Variants in TSHZ2 observed in about 807,000 individuals in gnomAD.
TSHZ2 encodes teashirt zinc finger homeobox 2.
TSHZ2 carries 21 observed loss-of-function variants against 74.4 expected under a neutral mutation model. That is an observed-to-expected ratio of 0.28 (90% CI 0.20 to 0.41). The LOEUF is 0.41. Among genes scored for constraint, TSHZ2 ranks in the 10% least tolerant of loss-of-function variants. TSHZ2 has a pLI of 1.00. For missense variants in TSHZ2, 1,244 were observed against 1,293.5 expected (o/e 0.96, Z 0.59); for synonymous variants, 540 against 515.3 (o/e 1.05, Z -0.65).
chr20:53,149,327 T>C (rs961027093), intron 1 of TSHZ2, among the ~76,000 whole-genome samples: 7 of 152,156 alleles, frequency 4.6e-5, no homozygotes, highest in Non-Finnish European at 8.8e-5. Flanking sequence ...ATTGAAATTT[T>C]TTTTCTGGAA....
intron 1 of TSHZ2, among the ~76,000 whole-genome samples, chr20:53,036,014 C>CATTT (rs937690262): frequency 6.6e-6 from 1 of 152,128 alleles, no homozygotes; most frequent in African/African-American, 2.4e-5. Flanking sequence ...TTAGGAAAGA[C>CATTT]ATTTCACAAA....
chr20:53,274,843 A>G (rs1990910206), intron 2 of TSHZ2, among the ~76,000 whole-genome samples: 1 of 151,788 alleles, frequency 6.6e-6, no homozygotes, highest in South Asian at 2.1e-4. Context: ...TTCCCTAGAG[A>G]TGGGCACGTT....
intron 2 of TSHZ2, among the ~76,000 whole-genome samples, chr20:53,352,448 C>T (rs1980684717): frequency 6.6e-6 from 1 of 151,886 alleles, no homozygotes; most frequent in African/African-American, 2.4e-5. Flanking sequence ...TTCCCATATG[C>T]ACTTCATCAA....
At chr20:53,421,518 C>G (rs1368545470) in intron 2 of TSHZ2, 6 of 232,408 alleles carry the variant, frequency 2.6e-5, no homozygotes, top group Admixed American at 2.0e-4. Flanking sequence ...CTGCCAAAAT[C>G]GAGTGGCTGG....
At chr20:53,133,138 T>C (rs1987151838) in intron 1 of TSHZ2, among the ~76,000 whole-genome samples, 1 of 152,220 alleles carries the variant, frequency 6.6e-6, no homozygotes, top group Non-Finnish European at 1.5e-5. Flanking sequence ...AGGTGGCCAC[T>C]CTTTGACACG....
At chr20:53,272,575 G>A (rs1199125995) in intron 2 of TSHZ2, among the ~76,000 whole-genome samples, 2 of 152,184 alleles carry the variant, frequency 1.3e-5, no homozygotes, top group African/African-American at 2.4e-5. Context: ...TCATCCGTGA[G>A]GCAGATCAAA....
At chr20:53,031,663 G>T (rs1156654650) in intron 1 of TSHZ2, among the ~76,000 whole-genome samples, 1 of 152,044 alleles carries the variant, frequency 6.6e-6, no homozygotes, top group Non-Finnish European at 1.5e-5. Context: ...GTAGTGGGAG[G>T]GTATGATCCT....
intron 1 of TSHZ2, among the ~76,000 whole-genome samples, chr20:53,049,744 A>C (rs981530526): frequency 6.6e-6 from 1 of 152,034 alleles, no homozygotes; most frequent in Non-Finnish European, 1.5e-5. Flanking sequence ...AATGAAGCAC[A>C]CAGCACAGTG....
intron 2 of TSHZ2, among the ~76,000 whole-genome samples, chr20:53,448,938 A>T (rs572063602): frequency 6.6e-6 from 1 of 152,340 alleles, no homozygotes; most frequent in East Asian, 1.9e-4. Flanking sequence ...TACAAAGAAC[A>T]TCTTGAGTAA....
intron 1 of TSHZ2, among the ~76,000 whole-genome samples, chr20:53,238,995 G>A (rs942562272): frequency 6.6e-6 from 1 of 152,154 alleles, no homozygotes; most frequent in Admixed American, 6.6e-5. Flanking sequence ...GAAATGGATG[G>A]TGGTTAGACG....
At chr20:53,276,569 A>G (rs1245147177) in intron 2 of TSHZ2, among the ~76,000 whole-genome samples, 3 of 152,220 alleles carry the variant, frequency 2.0e-5, no homozygotes, top group Non-Finnish European at 4.4e-5. Flanking sequence ...TAAGATGGGG[A>G]TAACTGTTCT....
In TSHZ2 at chr20:53,253,533, G is replaced by A; in HGVS notation, c.75G>A (p.Glu25=). 4.3e-6 allele frequency: 7 copies of A among 1,612,832 alleles called. No homozygotes were observed. The highest frequency in any genetic ancestry group is 1.1e-5 in the South Asian group (1 of 90,954). Residue 25 remains glutamate (E), a synonymous_variant, in exon 2 of 3, where the codon GAG becomes GAA. Transcript: ENST00000371497. ...AGGAGGAACAGCTGAAAGAAGAGGAGGAAATAAAAGAAGAGGAGGAGGAGG... is the reference window on the plus strand; with the variant it reads ...AGGAGGAACAGCTGAAAGAAGAGGAAGAAATAAAAGAAGAGGAGGAGGAGG... ...YAQEEQLKEE[E]EIKEEEEEED... is the part of the protein sequence containing the mutation.
At chr20:52,982,215 C>A (rs1345202882) in intron 1 of TSHZ2, among the ~76,000 whole-genome samples, 1 of 152,184 alleles carries the variant, frequency 6.6e-6, no homozygotes, top group Non-Finnish European at 1.5e-5. Context: ...TGCAGGATAA[C>A]TCATTCAAGT....
chr20:53,484,259 C>T (rs566125065), intron 2 of TSHZ2, among the ~76,000 whole-genome samples: 2 of 152,196 alleles, frequency 1.3e-5, no homozygotes, highest in East Asian at 3.9e-4. Context: ...CACCTGTAAT[C>T]TAGGTAGGGT....
In TSHZ2 at chr20:53,246,577, C is replaced by T. The variant is rs188698130; in HGVS notation, c.41-6922C>T. Among the ~76,000 whole-genome samples the T allele has an allele frequency of 3.3e-5, 5 of 152,304 alleles. No homozygotes were observed. The East Asian group carries it at 7.7e-4, about 24-fold the overall frequency. On this transcript the variant is annotated intron_variant, in intron 1 of 2. Coordinates refer to ENST00000371497, the MANE Select transcript of TSHZ2 (RefSeq NM_173485.6). ...CAGCATCCAACTTCTCTCCATAACTCACCTCTCTACTTGCCTTGGCCTTGG... is the reference window on the plus strand; with the variant it reads ...CAGCATCCAACTTCTCTCCATAACTTACCTCTCTACTTGCCTTGGCCTTGG...
intron 2 of TSHZ2, among the ~76,000 whole-genome samples, chr20:53,455,704 C>G (rs184005018): frequency 1.3e-5 from 2 of 151,126 alleles, no homozygotes; most frequent in Non-Finnish European, 2.9e-5. Flanking sequence ...CCAATGCTAT[C>G]CCTCCCCCGC....
chr20:53,466,716 A>G (rs1238657313), intron 2 of TSHZ2, among the ~76,000 whole-genome samples: 2 of 152,244 alleles, frequency 1.3e-5, no homozygotes, highest in African/African-American at 4.8e-5. Context: ...ACATGAAATT[A>G]TAATTAACAC....
At chr20:53,142,498 G>T (rs959492254) in intron 1 of TSHZ2, among the ~76,000 whole-genome samples, 1 of 152,214 alleles carries the variant, frequency 6.6e-6, no homozygotes, top group South Asian at 2.1e-4. Flanking sequence ...TGAGTCACGT[G>T]ATGAGTTCCA....
intron 2 of TSHZ2, among the ~76,000 whole-genome samples, chr20:53,459,786 G>A (rs368873610): frequency 6.9e-6 from 1 of 145,054 alleles, no homozygotes; most frequent in African/African-American, 2.6e-5. Flanking sequence ...TTGCTTGTCT[G>A]TAAAGTATTT....
Sources: allele counts gnomAD v4.1 joint callset (sites outside exome capture counted in the v4.1 genomes callset), GRCh38; gene constraint gnomAD v4.1.1; transcripts MANE v1.5; gene names NCBI Gene and HGNC (gene_info 2026-07-23, HGNC 2026-07-21).